Variants in ZFPM2 observed in about 807,000 individuals in gnomAD.
The protein encoded by ZFPM2 is zinc finger protein ZFPM2.
ZFPM2 carries 20 observed loss-of-function variants against 98.6 expected under a neutral mutation model. That is an observed-to-expected ratio of 0.20 (90% CI 0.14 to 0.29). The LOEUF is 0.29. Ranked by LOEUF, ZFPM2 falls within the 10% of genes least tolerant of loss-of-function variation. ZFPM2 has a pLI of 1.00. For missense variants in ZFPM2, 1,310 were observed against 1,388.6 expected (o/e 0.94, Z 0.90); for synonymous variants, 518 against 502.7 (o/e 1.03, Z -0.41).
At chr8:105,513,406 AT>A (rs1813855533) in intron 3 of ZFPM2, among the ~76,000 whole-genome samples, 1 of 152,202 alleles carries the variant, frequency 6.6e-6, no homozygotes, top group African/African-American at 2.4e-5. Flanking sequence ...AGCGATGCAC[AT>A]TTTTAAGGTC....
intron 6 of ZFPM2, 111 bp from the exon 7 acceptor site, chr8:105,798,613 A>G: frequency 5.9e-6 from 5 of 851,414 alleles, no homozygotes; most frequent in Non-Finnish European, 7.4e-6. Context: ...CTGATTGCCC[A>G]ATTAAGAACC....
At chr8:105,532,889 A>G (rs1478935787) in intron 3 of ZFPM2, among the ~76,000 whole-genome samples, 1 of 152,150 alleles carries the variant, frequency 6.6e-6, no homozygotes, top group African/African-American at 2.4e-5. Context: ...AGAAAGAAGC[A>G]AAGGCTGTAG....
intron 4 of ZFPM2, among the ~76,000 whole-genome samples, chr8:105,613,188 C>T (rs1018591726): frequency 3.3e-5 from 5 of 152,202 alleles, no homozygotes; most frequent in Admixed American, 6.5e-5. Flanking sequence ...TTGTTCAATA[C>T]GTCAGCATAG....
chr8:105,697,905 G>A (rs1208773894), intron 5 of ZFPM2, among the ~76,000 whole-genome samples: 1 of 152,034 alleles, frequency 6.6e-6, no homozygotes, highest in Admixed American at 6.6e-5. Context: ...GTTGAAGAAG[G>A]TCTTATCATA....
At chr8:105,431,473 T>G (rs2130142291) in intron 2 of ZFPM2, among the ~76,000 whole-genome samples, 1 of 152,286 alleles carries the variant, frequency 6.6e-6, no homozygotes, top group Non-Finnish European at 1.5e-5. Flanking sequence ...AGACATGCTG[T>G]GGATACAATG....
intron 3 of ZFPM2, among the ~76,000 whole-genome samples, chr8:105,552,231 G>A (rs932765953): frequency 7.9e-5 from 12 of 151,994 alleles, no homozygotes; most frequent in Admixed American, 6.6e-4. Context: ...CTTCATGGAC[G>A]GACCTTTCTG....
chr8:105,521,134 C>T lies in ZFPM2; in HGVS notation c.302-40229C>T, dbSNP rs10113009. Among the ~76,000 whole-genome samples the T allele has an allele frequency of 5.4e-3, 328 of 61,226 alleles. 2 individuals carry two copies. The highest frequency in any genetic ancestry group is 0.015 in the African/African-American group (112 of 7,674). 40.2% of individuals were successfully genotyped at this position (61,226 alleles called of 152,430 possible). A position where few individuals can be genotyped will look rare whatever the true frequency, so the allele number is the denominator to read the frequency against. On this transcript the variant is annotated intron_variant, in intron 3 of 7. Transcript: ENST00000407775. Reference sequence around the variant, plus strand: ...TTGTGTATGTGTGTATATATATATACACACACACACACACACACAAACACA... The same window carrying T: ...TTGTGTATGTGTGTATATATATATATACACACACACACACACACAAACACA...
chr8:105,639,350 C>T (rs1816906620), intron 5 of ZFPM2, among the ~76,000 whole-genome samples: 1 of 151,932 alleles, frequency 6.6e-6, no homozygotes, highest in Non-Finnish European at 1.5e-5. Context: ...GGAATAATTA[C>T]ATTATTTAGT....
At chr8:105,634,930 A>G (rs1418665565) in intron 5 of ZFPM2, among the ~76,000 whole-genome samples, 1 of 152,186 alleles carries the variant, frequency 6.6e-6, no homozygotes, top group Non-Finnish European at 1.5e-5. Context: ...TCAGTGTGAC[A>G]TCAACCCAGA....
At chr8:105,502,370 C>T (rs918975755) in intron 3 of ZFPM2, among the ~76,000 whole-genome samples, 3 of 151,756 alleles carry the variant, frequency 2.0e-5, no homozygotes, top group Non-Finnish European at 4.4e-5. Context: ...GATAAGCATG[C>T]TACAGATATT....
intron 4 of ZFPM2, among the ~76,000 whole-genome samples, chr8:105,598,231 A>AG (rs1451089148): frequency 6.6e-6 from 1 of 152,102 alleles, no homozygotes; most frequent in Non-Finnish European, 1.5e-5. Flanking sequence ...AGCAGTGGGA[A>AG]GGACCGCCTT....
intron 1 of ZFPM2, among the ~76,000 whole-genome samples, chr8:105,325,768 G>C (rs1812103130): frequency 6.6e-6 from 1 of 151,686 alleles, no homozygotes; most frequent in Admixed American, 6.6e-5. Flanking sequence ...TACCGTTACT[G>C]TCAGGCCGTC....
intron 5 of ZFPM2, among the ~76,000 whole-genome samples, chr8:105,740,814 G>A (rs918287887): frequency 6.6e-6 from 1 of 151,898 alleles, no homozygotes; most frequent in African/African-American, 2.4e-5. Flanking sequence ...TGCATAAAAT[G>A]TATAATTTGC....
At chr8:105,385,588 C>T (rs930599146) in intron 1 of ZFPM2, among the ~76,000 whole-genome samples, 2 of 152,168 alleles carry the variant, frequency 1.3e-5, no homozygotes, top group Admixed American at 6.5e-5. Context: ...CAGTAATGTA[C>T]GTATCTTAGT....
chr8:105,554,388 T>C (rs537660958), intron 3 of ZFPM2, among the ~76,000 whole-genome samples: 3 of 152,262 alleles, frequency 2.0e-5, no homozygotes, highest in African/African-American at 7.2e-5. Context: ...TAGCAAGAGC[T>C]CTGCCATACT....
At chr8:105,492,425 A>C (rs1813373729) in intron 3 of ZFPM2, among the ~76,000 whole-genome samples, 1 of 152,190 alleles carries the variant, frequency 6.6e-6, no homozygotes, top group Admixed American at 6.5e-5. Flanking sequence ...TAAAATATGT[A>C]AACCTGAAAA....
At chr8:105,553,514 C>T (rs898263483) in intron 3 of ZFPM2, among the ~76,000 whole-genome samples, 27 of 152,132 alleles carry the variant, frequency 1.8e-4, no homozygotes, top group Admixed American at 1.6e-3. Flanking sequence ...CTGAATTCAT[C>T]GCATGAAAAG....
chr8:105,514,388 G>T (rs2130519865), intron 3 of ZFPM2, among the ~76,000 whole-genome samples: 1 of 146,330 alleles, frequency 6.8e-6, no homozygotes, highest in South Asian at 2.2e-4. Flanking sequence ...CTCTGATGGA[G>T]ATTTAAGCAG....
At chr8:105,715,893 C>T (rs994395912) in intron 5 of ZFPM2, among the ~76,000 whole-genome samples, 7 of 152,070 alleles carry the variant, frequency 4.6e-5, no homozygotes, top group Admixed American at 6.6e-5. Flanking sequence ...TTTTCATATT[C>T]GCTCTAGGTG....
Sources: gnomAD v4.1 joint callset for allele counts (sites outside exome capture counted in the v4.1 genomes callset) on GRCh38, gnomAD v4.1.1 for gene constraint, MANE v1.5 for transcripts, NCBI Gene and HGNC (gene_info 2026-07-23, HGNC 2026-07-21) for gene names.